Variants in SLC24A1 observed in about 807,000 individuals in gnomAD.
SLC24A1 encodes the protein solute carrier family 24 member 1.
SLC24A1 carries 52 observed loss-of-function variants against 88.1 expected under a neutral mutation model. The observed-to-expected ratio is 0.59, with a 90% CI of 0.47 to 0.74. The LOEUF (loss-of-function observed/expected upper bound fraction) is 0.74, where lower values mean the gene tolerates loss of function less well. Ranked by LOEUF, SLC24A1 falls within the 30% of genes least tolerant of loss-of-function variation. The pLI is 0.00. For synonymous variants in SLC24A1, 455 were observed against 498.0 expected, an observed-to-expected ratio of 0.91 and a Z score of 1.15; for missense variants, 1,173 against 1,363.3, an observed-to-expected ratio of 0.86 and a Z score of 2.20.
chr15:65,657,229 T>C (rs2075711145), downstream of SLC24A1, among the ~76,000 whole-genome samples: 1 of 152,166 alleles, frequency 6.6e-6, no homozygotes, highest in Non-Finnish European at 1.5e-5. Flanking sequence ...GATTCGAAAA[T>C]AGTTTTACCA....
chr15:65,626,669 C>T (rs542671711), intron 2 of SLC24A1, among the ~76,000 whole-genome samples: 4 of 152,176 alleles, frequency 2.6e-5, no homozygotes, highest in African/African-American at 9.7e-5. Flanking sequence ...CCATAAGTTC[C>T]TTTCCAAGAA....
intron 1 of SLC24A1, among the ~76,000 whole-genome samples, chr15:65,622,837 G>A (rs1221370393): frequency 6.6e-6 from 1 of 151,892 alleles, no homozygotes; most frequent in African/African-American, 2.4e-5. Context: ...TGCCTGCCAG[G>A]TTCAAGCAAT....
At chr15:65,651,610 G>A (rs2075507820) in intron 7 of SLC24A1, 60 bp from the exon 8 acceptor site, 3 of 858,316 alleles carry the variant, frequency 3.5e-6, no homozygotes, top group Non-Finnish European at 3.9e-6. Flanking sequence ...TTGCTCAGAA[G>A]GGCCAAAGAC....
rs1291656428 is a variant in SLC24A1 at position 65,611,994 on chromosome 15, T to G, written c.-262+227T>G. On this transcript the variant is annotated intron_variant, in intron 1 of 11. Coordinates refer to the SLC24A1 transcript ENST00000537259. Reference sequence around the variant, plus strand: ...TCCTCAGCCCAAATGCTCACTTTATTTCCCCTATCCCCTCTTTGAGGGAAG... The same window carrying G: ...TCCTCAGCCCAAATGCTCACTTTATGTCCCCTATCCCCTCTTTGAGGGAAG... The G allele has an allele frequency of 3.9e-5, 6 of 152,322 alleles. No individual in the cohort carries two copies. In the East Asian group the frequency reaches 1.2e-3, roughly 29 times the overall value. The allele number at this position is 152,322 out of a possible 1,614,324, so 9.4% of individuals were successfully genotyped here. A position where few individuals can be genotyped will look rare whatever the true frequency, so the allele number is the denominator to read the frequency against.
At chr15:65,659,319 CTGGTTTTT>C (rs1566974704), downstream of SLC24A1, 2 of 29,844 alleles carry the variant, frequency 6.7e-5, no homozygotes, top group African/African-American at 2.4e-4. Flanking sequence ...TTGATATTTT[CTGGTTTTT>C]TTTTTTTTTT....
At chr15:65,648,906 G>A (rs1202991812) in intron 6 of SLC24A1, among the ~76,000 whole-genome samples, 1 of 152,058 alleles carries the variant, frequency 6.6e-6, no homozygotes, top group African/African-American at 2.4e-5. Context: ...CTGAGTAGTT[G>A]AAACATAGGC....
Position 65,650,159 on chromosome 15 carries a change from G to A in SLC24A1, c.2233-223G>A, listed in dbSNP as rs766564417. 6.6e-6 allele frequency among the ~76,000 whole-genome samples: 1 copy of A among 152,186 alleles called. No individual in the cohort carries two copies. Among genetic ancestry groups the A allele is most frequent in the Non-Finnish European group, 1.5e-5 (1 of 68,038 alleles). ...CCAAAGATGACAGAAGCTGCTTCAG[G>A]TGGTGAGCTTTCCACCCCTGGAAAT... is the stretch of plus-strand genomic sequence containing the variant. On this transcript the variant is annotated intron_variant, in intron 6 of 9. Coordinates refer to ENST00000261892, the MANE Select transcript of SLC24A1 (RefSeq NM_004727.3). The surrounding 1 kb of genome is among the most constrained non-coding windows in gnomAD (Gnocchi z 4.1).
chr15:65,652,210 C>T (rs8035639), intron 8 of SLC24A1: 157,831 of 302,050 alleles, frequency 0.52, 45,533 homozygotes, highest in African/African-American at 0.85. Flanking sequence ...TCTAAAAGGC[C>T]GAGATTAGGG....
At position 65,653,982 on chromosome 15, in the gene SLC24A1, A is replaced by G; in HGVS notation, c.3203A>G (p.Lys1068Arg). The G allele has an allele frequency of 6.2e-7, 1 of 1,614,010 alleles. No homozygotes were observed. The highest frequency in any genetic ancestry group is 8.5e-7 in the Non-Finnish European group (1 of 1,179,876). Residue 1068 changes from lysine (K) to arginine (R), a missense_variant, in exon 10 of 10, where the codon AAG becomes AGG. By Grantham distance (26) the Lys-to-Arg change is conservative. Coordinates refer to ENST00000261892, the MANE Select transcript of SLC24A1 (RefSeq NM_004727.3). ...SIASCKWRMN[K>R]ILGFTMFLLY... ...GCGTCATGTAAATGGAGAATGAACA[A>G]GATCCTGGGCTTCACAATGTTCCTC...
chr15:65,659,349 T>TTTTTTTTTTTA (rs1462514776), downstream of SLC24A1: 1 of 140,372 alleles, frequency 7.1e-6, no homozygotes, highest in African/African-American at 2.8e-5. Context: ...TTTTTTTTTT[T>TTTTTTTTTTTA]TTGAGACAGG....
rs1020027743 is a variant in SLC24A1, at chr15:65,651,870, G to T, written c.2883+111G>T. On this transcript the variant is annotated intron_variant, in intron 8 of 9. Transcript: ENST00000261892. The stretch of plus-strand genomic sequence containing the variant: ...CTCGAGGATCAAGTGAATTCGTGCA[G>T]TTTCTATGTTGTTTGTAAAGGCTTA... 7 of 707,238 alleles carry T rather than the reference G, an allele frequency of 9.9e-6. No homozygotes were observed. The African/African-American group carries it at 1.2e-4, about 12-fold the overall frequency. 43.8% of individuals were successfully genotyped at this position (707,238 alleles called of 1,614,324 possible). A position where few individuals can be genotyped will look rare whatever the true frequency, so the allele number is the denominator to read the frequency against.
downstream of SLC24A1, chr15:65,660,297 GTTTC>G: frequency 1.3e-6 from 2 of 1,535,294 alleles, no homozygotes; most frequent in Non-Finnish European, 1.7e-6. Flanking sequence ...GCTGTGAAAT[GTTTC>G]AGCATGGTGC....
chr15:65,654,960 A>C lies in SLC24A1; in HGVS notation c.*881A>C. The C allele has an allele frequency of 2.0e-6, 2 of 1,011,752 alleles. No homozygotes were observed. Among genetic ancestry groups the C allele is most frequent in the Non-Finnish European group, 2.4e-6 (2 of 845,178 alleles). 62.7% of individuals were successfully genotyped at this position (1,011,752 alleles called of 1,614,324 possible). ...AACTCTTATTGTTGTGTTTCTGAAAAGTGAAATTTAAAAAGCAGCCTGAAA... is the reference window on the plus strand; with the variant it reads ...AACTCTTATTGTTGTGTTTCTGAAACGTGAAATTTAAAAAGCAGCCTGAAA... On this transcript the variant is annotated 3_prime_UTR_variant, in exon 10 of 10. Transcript: ENST00000261892.
chr15:65,640,850 G>C (rs1346927258), intron 4 of SLC24A1, among the ~76,000 whole-genome samples: 1 of 151,632 alleles, frequency 6.6e-6, no homozygotes. Flanking sequence ...CCTGAGCTCA[G>C]GAGTCCAAGA....
intron 4 of SLC24A1, among the ~76,000 whole-genome samples, chr15:65,642,294 T>A (rs886682152): frequency 1.3e-5 from 2 of 152,222 alleles, no homozygotes; most frequent in African/African-American, 4.8e-5. Flanking sequence ...GGAAAAGATG[T>A]TTCCTGGGGT....
At chr15:65,627,853 A>C (rs2074573066) in intron 2 of SLC24A1, among the ~76,000 whole-genome samples, 1 of 152,234 alleles carries the variant, frequency 6.6e-6, no homozygotes, top group African/African-American at 2.4e-5. Flanking sequence ...TCAAAAGAGA[A>C]TACATAACCT....
chr15:65,612,270 T>C (rs1405237957), intron 1 of SLC24A1: 1 of 152,298 alleles, frequency 6.6e-6, no homozygotes, highest in African/African-American at 2.4e-5. Context: ...AAGAACAATG[T>C]GGAACCACAT....
intron 2 of SLC24A1, among the ~76,000 whole-genome samples, chr15:65,636,860 A>AAATAAT (rs59545207): frequency 0.044 from 6,346 of 143,252 alleles, 219 homozygotes; most frequent in African/African-American, 0.09. Flanking sequence ...CTCTGTCTCA[A>AAATAAT]AATAATAATA....
intron 2 of SLC24A1, among the ~76,000 whole-genome samples, chr15:65,627,092 G>A (rs1479495224): frequency 6.6e-6 from 1 of 152,230 alleles, no homozygotes; most frequent in Non-Finnish European, 1.5e-5. Flanking sequence ...CAACGTGTCT[G>A]TGAGATATTT....
Sources: allele counts gnomAD v4.1 joint callset (sites outside exome capture counted in the v4.1 genomes callset), GRCh38; gene constraint gnomAD v4.1.1; non-coding constraint Gnocchi (gnomAD v3.1); transcripts MANE v1.5; gene names NCBI Gene and HGNC (gene_info 2026-07-23, HGNC 2026-07-21).